The following ARID1B variants were observed in gnomAD, a reference collection of about 807,000 sequenced individuals.
ARID1B encodes AT-rich interactive domain-containing protein 1B.
ARID1B carries 30 observed loss-of-function variants against 212.3 expected under a neutral mutation model. The ratio of observed to expected loss-of-function variants is 0.14; its 90% CI spans 0.11 to 0.19. The LOEUF is 0.19. Among genes scored for constraint, ARID1B ranks in the 10% least tolerant of loss-of-function variants. ARID1B has a pLI of 1.00. For synonymous variants in ARID1B, 1,402 were observed against 1,301.7 expected, an observed-to-expected ratio of 1.08 and a Z score of -1.66; for missense variants, 2,891 against 3,204.0, an observed-to-expected ratio of 0.90 and a Z score of 2.36.
chr6:156,921,746 A>G (rs548014774), intron 3 of ARID1B, among the ~76,000 whole-genome samples: 1 of 152,346 alleles, frequency 6.6e-6, no homozygotes, highest in East Asian at 1.9e-4. Context: ...AAAAAAATTC[A>G]GCAGAATCCT....
chr6:156,932,823 A>G (rs1582977899), intron 3 of ARID1B, among the ~76,000 whole-genome samples: 1 of 152,350 alleles, frequency 6.6e-6, no homozygotes, highest in Non-Finnish European at 1.5e-5. Context: ...TATTAAATTA[A>G]TACTTATGTT....
chr6:156,846,411 C>T (rs974623449), intron 2 of ARID1B, among the ~76,000 whole-genome samples: 7 of 151,818 alleles, frequency 4.6e-5, no homozygotes, highest in East Asian at 1.9e-4. Context: ...GTGAACCACC[C>T]GCCTCGGCCT....
At chr6:156,883,015 C>T (rs962046168) in intron 2 of ARID1B, among the ~76,000 whole-genome samples, 1 of 152,176 alleles carries the variant, frequency 6.6e-6, no homozygotes, top group African/African-American at 2.4e-5. Context: ...TTAATTTCTG[C>T]ATTTTCTAAG....
At position 156,823,605 on chromosome 6, in the gene ARID1B, A is replaced by G. The variant is rs186826826; in HGVS notation, c.1792-5622A>G. Reference sequence around the variant, plus strand: ...GGTTCAAAAGAGGGAAGAGTTTTCTATCAGCTCTTGTTTAATCCACATGTG... The same window carrying G: ...GGTTCAAAAGAGGGAAGAGTTTTCTGTCAGCTCTTGTTTAATCCACATGTG... On this transcript the variant is annotated intron_variant, in intron 1 of 19. Coordinates refer to ENST00000636930, the MANE Select transcript of ARID1B (RefSeq NM_001374828.1). Among the ~76,000 whole-genome samples, 35 of 151,904 alleles carry G rather than the reference A, an allele frequency of 2.3e-4. No individual in the cohort carries two copies. The East Asian group carries it at 3.7e-3, about 16-fold the overall frequency.
At chr6:156,776,684 G>C (rs759420519), upstream of ARID1B, 1 of 152,200 alleles carries the variant, frequency 6.6e-6, no homozygotes, top group Non-Finnish European at 1.5e-5. Context: ...TATTCCTTTG[G>C]AAATACACTG....
chr6:156,935,317 C>G, intron 3 of ARID1B, 149 bp from the exon 4 acceptor site: 1 of 614,670 alleles, frequency 1.6e-6, no homozygotes, highest in Non-Finnish European at 2.9e-6. Context: ...TGGGCTCAAG[C>G]GATCTGCCTG....
At chr6:157,063,879 C>A (rs1034757588) in intron 4 of ARID1B, among the ~76,000 whole-genome samples, 1 of 152,166 alleles carries the variant, frequency 6.6e-6, no homozygotes, top group Non-Finnish European at 1.5e-5. Flanking sequence ...CCAATGTTAC[C>A]AGGAGAATAC....
chr6:157,054,876 A>G (rs747610853), intron 4 of ARID1B, among the ~76,000 whole-genome samples: 2 of 152,210 alleles, frequency 1.3e-5, no homozygotes, highest in Non-Finnish European at 2.9e-5. Context: ...TCTCAGCCGT[A>G]CCTCATTCTG....
intron 4 of ARID1B, among the ~76,000 whole-genome samples, chr6:156,946,271 C>T (rs903442902): frequency 1.3e-5 from 2 of 151,420 alleles, no homozygotes; most frequent in Admixed American, 1.3e-4. Context: ...GCTCGGGAGG[C>T]TGAGGCAAGA....
At chr6:156,897,144 T>G (rs1278247210) in intron 2 of ARID1B, among the ~76,000 whole-genome samples, 1 of 152,048 alleles carries the variant, frequency 6.6e-6, no homozygotes, top group Non-Finnish European at 1.5e-5. Context: ...CTTAAAGGTC[T>G]TCTTTATTTA....
intron 2 of ARID1B, among the ~76,000 whole-genome samples, chr6:156,876,678 T>C (rs575237825): frequency 1.3e-5 from 2 of 152,322 alleles, no homozygotes; most frequent in African/African-American, 4.8e-5. Context: ...CCAGACACTT[T>C]CTGTGTGCCC....
At chr6:157,180,384 A>AC (rs1792422899) in intron 11 of ARID1B, among the ~76,000 whole-genome samples, 1 of 151,884 alleles carries the variant, frequency 6.6e-6, no homozygotes, top group African/African-American at 2.4e-5. Context: ...AAAAAAACAA[A>AC]AAAAAACAAA....
At position 157,148,003 on chromosome 6, in the gene ARID1B, G is replaced by A. The variant is rs1183088459; in HGVS notation, c.2762-621G>A. On this transcript the variant is annotated intron_variant, in intron 7 of 19. Coordinates refer to ENST00000636930, the MANE Select transcript of ARID1B (RefSeq NM_001374828.1). This position sits in a 1 kb window ranked among gnomAD's most constrained non-coding sequence, Gnocchi z 5.6. The stretch of plus-strand genomic sequence containing the variant: ...GTGCTGGGACAGTTTTCCGAGATGT[G>A]GCAGCCAGCACAAACCAGCTGCTCG... Among the ~76,000 whole-genome samples, 2 of 144,890 alleles carry A rather than the reference G, an allele frequency of 1.4e-5. No homozygotes were observed. Among genetic ancestry groups the A allele is most frequent in the East Asian group, 4.1e-4 (2 of 4,866 alleles).
chr6:156,787,055 T>A (rs927385313), intron 1 of ARID1B, among the ~76,000 whole-genome samples: 1 of 152,070 alleles, frequency 6.6e-6, no homozygotes, highest in Non-Finnish European at 1.5e-5. Flanking sequence ...GTGACTCTTT[T>A]CCATTTCTAC....
chr6:156,988,359 T>C lies in ARID1B; in HGVS notation c.2247+52783T>C, dbSNP rs114860171. On this transcript the variant is annotated intron_variant, in intron 4 of 19. Coordinates refer to ENST00000636930, the MANE Select transcript of ARID1B (RefSeq NM_001374828.1). ...GAGGTGACTCACATTTTGTACTGTC[T>C]TCATTCATGCATGTGTGGTGCCTGC... is the stretch of plus-strand genomic sequence containing the variant. 4.4e-3 allele frequency among the ~76,000 whole-genome samples: 673 copies of C among 152,334 alleles called. 8 individuals carry two copies. Among genetic ancestry groups the C allele is most frequent in the African/African-American group, 0.015 (639 of 41,580 alleles).
chr6:156,893,989 C>T (rs571214265), intron 2 of ARID1B, among the ~76,000 whole-genome samples: 2 of 152,034 alleles, frequency 1.3e-5, no homozygotes, highest in African/African-American at 2.4e-5. Flanking sequence ...TTTGTAAACC[C>T]CTATTCAGAG....
intron 2 of ARID1B, chr6:156,870,337 C>T (rs1786027347): frequency 6.6e-6 from 1 of 152,154 alleles, no homozygotes; most frequent in Non-Finnish European, 1.5e-5. Flanking sequence ...TGAGGCCCAT[C>T]CTGGTGTTGA....
At chr6:156,853,952 C>G (rs940043824) in intron 2 of ARID1B, among the ~76,000 whole-genome samples, 1 of 152,074 alleles carries the variant, frequency 6.6e-6, no homozygotes, top group Non-Finnish European at 1.5e-5. Context: ...AGTCTGGTCT[C>G]GAACTCCTGG....
At position 157,190,261 on chromosome 6, in the gene ARID1B, C is replaced by T; in HGVS notation, c.4231+51C>T. 6.5e-7 allele frequency: 1 copy of T among 1,548,458 alleles called. No homozygotes were observed. The highest frequency in any genetic ancestry group is 1.2e-5 in the South Asian group (1 of 82,202). The stretch of plus-strand genomic sequence containing the variant: ...GCCATGGACCAGTGGGCATTCTACT[C>T]TCTGCCGTTCCACAACAGTTCACCT... On this transcript the variant is annotated intron_variant, in intron 15 of 19. Coordinates refer to ENST00000636930, the MANE Select transcript of ARID1B (RefSeq NM_001374828.1). This position sits in a 1 kb window ranked among gnomAD's most constrained non-coding sequence, Gnocchi z 4.6.
Sources: gnomAD v4.1 joint callset for allele counts (sites outside exome capture counted in the v4.1 genomes callset) on GRCh38, gnomAD v4.1.1 for gene constraint, Gnocchi (gnomAD v3.1) non-coding constraint, MANE v1.5 for transcripts, NCBI Gene and HGNC (gene_info 2026-07-23, HGNC 2026-07-21) for gene names.